Variants in DENND10 observed in about 807,000 individuals in gnomAD.
DENND10 encodes DENN domain-containing protein 10.
A neutral mutation model predicts 43.6 loss-of-function variants in DENND10; 24 were observed. That is an observed-to-expected ratio of 0.55 (90% CI 0.40 to 0.77). DENND10 has a LOEUF of 0.77. Ranked by LOEUF, DENND10 falls within the 30% of genes least tolerant of loss-of-function variation. The pLI is 0.00. For synonymous variants in DENND10, 125 were observed against 157.6 expected (o/e 0.79, Z 1.55); for missense variants, 303 against 429.9 (o/e 0.70, Z 2.61).
rs1156308761 is a variant in DENND10, at chr10:119,108,175, G to T, written c.252+11G>T. On this transcript the variant is annotated intron_variant, in intron 2 of 8. Transcript: ENST00000361432. Reference sequence around the variant, plus strand: ...TCCATTTTGAAAAAGGTATGATTGCGTGAAGGTAAAAAAAAAACCCCAAAA... The same window carrying T: ...TCCATTTTGAAAAAGGTATGATTGCTTGAAGGTAAAAAAAAAACCCCAAAA... The T allele has an allele frequency of 1.9e-6, 3 of 1,587,146 alleles. No homozygotes were observed. Among genetic ancestry groups the T allele is most frequent in the South Asian group, 2.2e-5 (2 of 89,036 alleles).
chr10:119,104,318 C>T, intron 1 of DENND10, 121 bp downstream of exon 1: 2 of 934,490 alleles, frequency 2.1e-6, no homozygotes, highest in Non-Finnish European at 3.1e-6. Context: ...AGGGCGCGGC[C>T]CCCTCCCTGT....
At chr10:119,113,369 T>C (rs1269060479) in intron 3 of DENND10, among the ~76,000 whole-genome samples, 1 of 151,496 alleles carries the variant, frequency 6.6e-6, no homozygotes, top group African/African-American at 2.4e-5. Context: ...AAAAAATATA[T>C]ATATATTTTG....
intron 3 of DENND10, chr10:119,114,467 G>A (rs1845145486): frequency 6.6e-6 from 1 of 152,234 alleles, no homozygotes; most frequent in South Asian, 2.1e-4. Context: ...TCCCTATGTG[G>A]CTGCAGGTTC....
chr10:119,120,668 C>T (rs1845528813), intron 5 of DENND10, among the ~76,000 whole-genome samples: 1 of 152,204 alleles, frequency 6.6e-6, no homozygotes, highest in African/African-American at 2.4e-5. Context: ...GCAAACTTTT[C>T]CTTGCCAGAC....
At chr10:119,118,555 C>A (rs1845405127) in intron 4 of DENND10, among the ~76,000 whole-genome samples, 1 of 152,182 alleles carries the variant, frequency 6.6e-6, no homozygotes, top group East Asian at 1.9e-4. Flanking sequence ...TCTGTCTTTC[C>A]TTTTGATCCC....
At chr10:119,120,853 C>T (rs547018079) in intron 5 of DENND10, among the ~76,000 whole-genome samples, 2 of 152,166 alleles carry the variant, frequency 1.3e-5, no homozygotes, top group Admixed American at 6.5e-5. Flanking sequence ...TTTGCTGACC[C>T]GTTTCAGGTA....
intron 6 of DENND10, among the ~76,000 whole-genome samples, chr10:119,123,854 C>T (rs1456744665): frequency 6.6e-6 from 1 of 150,386 alleles, no homozygotes; most frequent in East Asian, 1.9e-4. Flanking sequence ...TTGGCACATG[C>T]AATCAATTTT....
intron 6 of DENND10, among the ~76,000 whole-genome samples, chr10:119,124,886 C>T (rs1845756424): frequency 6.6e-6 from 1 of 151,920 alleles, no homozygotes; most frequent in African/African-American, 2.4e-5. Context: ...ACATAGGAGA[C>T]CTGTCTTTTA....
chr10:119,127,476 C>CTTATT (rs1194663445), intron 6 of DENND10, among the ~76,000 whole-genome samples: 1 of 151,308 alleles, frequency 6.6e-6, no homozygotes, highest in East Asian at 1.9e-4. Context: ...TTTGTTTTAT[C>CTTATT]TTATTTTATT....
intron 4 of DENND10, among the ~76,000 whole-genome samples, chr10:119,119,889 C>T (rs1845476904): frequency 6.6e-6 from 1 of 152,072 alleles, no homozygotes; most frequent in Non-Finnish European, 1.5e-5. Flanking sequence ...TAGGATAGAT[C>T]TACTCTTCCA....
intron 3 of DENND10, among the ~76,000 whole-genome samples, chr10:119,116,840 T>C (rs1237837898): frequency 6.6e-6 from 1 of 151,640 alleles, no homozygotes; most frequent in East Asian, 2.0e-4. Context: ...GGCTAATTTT[T>C]TTTTTTTTTT....
intron 4 of DENND10, among the ~76,000 whole-genome samples, chr10:119,119,178 A>T (rs2133488743): frequency 6.6e-6 from 1 of 152,166 alleles, no homozygotes; most frequent in South Asian, 2.1e-4. Flanking sequence ...CTAATTGTGT[A>T]TTTTTAGTAC....
At chr10:119,123,209 C>G (rs1313478371) in intron 5 of DENND10, among the ~76,000 whole-genome samples, 2 of 152,178 alleles carry the variant, frequency 1.3e-5, no homozygotes, top group Non-Finnish European at 2.9e-5. Flanking sequence ...GTGGAGGTTG[C>G]AGTGAGCCAA....
At chr10:119,104,284 G>GC in intron 1 of DENND10, 87 bp downstream of exon 1, 1 of 1,305,996 alleles carries the variant, frequency 7.7e-7, no homozygotes. Context: ...GGCTCCCGCG[G>GC]CCCCCGGCGC....
chr10:119,117,450 C>T lies in DENND10; in HGVS notation c.333-69C>T, dbSNP rs142596346. 11 of 1,507,590 alleles carry T rather than the reference C, an allele frequency of 7.3e-6. No individual in the cohort carries two copies. The East Asian group carries it at 2.1e-4, about 29-fold the overall frequency. The allele number at this position is 1,507,590 out of a possible 1,614,324, so 93.4% of individuals were successfully genotyped here. ...ATTCTTGAGAAGGCACCCATACCAG[C>T]CTGGGTGCACATCTGTACATGATTT... is the stretch of plus-strand genomic sequence containing the variant. On this transcript the variant is annotated intron_variant, in intron 3 of 8. Coordinates refer to ENST00000361432, the MANE Select transcript of DENND10 (RefSeq NM_207009.4).
rs2133444369 is a variant in DENND10, at chr10:119,104,147, C to A, written c.5C>A (p.Ala2Asp). 4 of 1,514,984 alleles carry A rather than the reference C, an allele frequency of 2.6e-6. No homozygotes were observed. The highest frequency in any genetic ancestry group is 2.0e-4 in the Middle Eastern group (1 of 5,104). The allele number at this position is 1,514,984 out of a possible 1,614,324, so 93.8% of individuals were successfully genotyped here. Residue 2 changes from alanine to aspartate, a missense_variant, in exon 1 of 9, where the codon GCT becomes GAT. Physicochemically the swap from Ala to Asp is moderately radical, Grantham distance 126. Transcript: ENST00000361432. ...TGCGCGCCGCGGCGGCGGAAGATGG[C>A]TGCGGCCGAGGTGGCGGACACTCAG... MAAAEVADTQLM... is the reference protein window; with the variant it reads MDAAEVADTQLM...
intron 5 of DENND10, among the ~76,000 whole-genome samples, chr10:119,122,380 C>T (rs952119853): frequency 2.6e-5 from 4 of 152,262 alleles, no homozygotes; most frequent in Admixed American, 2.6e-4. Flanking sequence ...ATCGTAATAT[C>T]TACTTACAAG....
At chr10:119,124,221 G>A (rs1467740560) in intron 6 of DENND10, among the ~76,000 whole-genome samples, 2 of 150,600 alleles carry the variant, frequency 1.3e-5, no homozygotes, top group East Asian at 2.0e-4. Context: ...GTGGTAAAAT[G>A]CATATAGGAT....
chr10:119,128,420 C>T (rs1207047743), intron 6 of DENND10, among the ~76,000 whole-genome samples: 2 of 151,802 alleles, frequency 1.3e-5, no homozygotes, highest in African/African-American at 4.8e-5. Flanking sequence ...CCAGTCTAGC[C>T]AATATGGTGA....
Sources: allele counts gnomAD v4.1 joint callset (sites outside exome capture counted in the v4.1 genomes callset), GRCh38; gene constraint gnomAD v4.1.1; transcripts MANE v1.5; gene names NCBI Gene and HGNC (gene_info 2026-07-23, HGNC 2026-07-21).